The following MICU2 variants were observed in gnomAD, a reference collection of about 807,000 sequenced individuals.
MICU2 encodes calcium uptake protein 2, mitochondrial.
MICU2 carries 64 observed loss-of-function variants against 60.4 expected under a neutral mutation model. That is an observed-to-expected ratio of 1.06 (90% CI 0.87 to 1.31). MICU2 has a LOEUF of 1.31. Ranked by LOEUF, MICU2 falls within the 50% of genes most tolerant of loss-of-function variation. MICU2 has a pLI of 0.00. For missense variants in MICU2, 569 were observed against 531.0 expected (o/e 1.07, Z -0.70); for synonymous variants, 201 against 175.0 (o/e 1.15, Z -1.17).
rs902822208 is a variant in MICU2, at chr13:21,524,936, A to C, written c.467-2286T>G. Among the ~76,000 whole-genome samples the C allele has an allele frequency of 2.6e-5, 4 of 152,184 alleles. No homozygotes were observed. The East Asian group carries it at 7.7e-4, about 29-fold the overall frequency. ...TGTTTTAAAGGTTCATTCATACTGC[A>C]GCATATGTCAGCATATCCTTCCTTT... On this transcript the variant is annotated intron_variant, in intron 4 of 11. Transcript: ENST00000382374.
intron 1 of MICU2, among the ~76,000 whole-genome samples, chr13:21,594,226 T>C (rs990299699): frequency 2.6e-5 from 4 of 152,064 alleles, no homozygotes; most frequent in African/African-American, 7.2e-5. Flanking sequence ...GCAAAGGATA[T>C]GAACAGACAT....
intron 1 of MICU2, among the ~76,000 whole-genome samples, chr13:21,579,128 C>T (rs1888289223): frequency 6.6e-6 from 1 of 152,106 alleles, no homozygotes; most frequent in Admixed American, 6.5e-5. Context: ...AATGTACTTA[C>T]AGGAAATGAG....
At chr13:21,544,901 C>A (rs1367462804) in intron 2 of MICU2, among the ~76,000 whole-genome samples, 1 of 152,172 alleles carries the variant, frequency 6.6e-6, no homozygotes, top group Non-Finnish European at 1.5e-5. Flanking sequence ...ATCCTCCCAC[C>A]TCAGCCTCCC....
chr13:21,496,269 G>GTCTTTACTT, intron 9 of MICU2, 109 bp from the exon 10 acceptor site: 1 of 789,480 alleles, frequency 1.3e-6, no homozygotes. Context: ...CATTCTAAGA[G>GTCTTTACTT]GAAGAGACAA....
chr13:21,495,012 T>A lies in MICU2; in HGVS notation c.1200+149A>T, dbSNP rs149729990. The A allele has an allele frequency of 7.4e-3, 3,912 of 530,090 alleles. 19 individuals carry two copies. The highest frequency in any genetic ancestry group is 0.013 in the Middle Eastern group (25 of 1,924). The allele number at this position is 530,090 out of a possible 1,614,324, so 32.8% of individuals were successfully genotyped here. ...AAGCAAAGATGTTTAATCTCATATA[T>A]AAAATATATTTCTGTATTTCAATTA... On this transcript the variant is annotated intron_variant, in intron 11 of 11. Transcript: ENST00000382374.
At chr13:21,495,082 C>A in intron 11 of MICU2, 79 bp downstream of exon 11, 1 of 1,101,664 alleles carries the variant, frequency 9.1e-7, no homozygotes. Flanking sequence ...CATTTAAAGA[C>A]TGTACAATTG....
chr13:21,530,539 C>A (rs757869527), intron 4 of MICU2, among the ~76,000 whole-genome samples: 3 of 151,898 alleles, frequency 2.0e-5, no homozygotes, highest in Non-Finnish European at 4.4e-5. Flanking sequence ...AGTCCTCCAT[C>A]TATGTAAATA....
intron 1 of MICU2, among the ~76,000 whole-genome samples, chr13:21,585,109 C>T (rs1475913415): frequency 2.0e-5 from 3 of 152,190 alleles, no homozygotes; most frequent in Non-Finnish European, 2.9e-5. Flanking sequence ...AAGACAACCT[C>T]TCATTCATGC....
At chr13:21,508,128 C>CTT (rs796385356) in intron 8 of MICU2, among the ~76,000 whole-genome samples, 28 of 136,902 alleles carry the variant, frequency 2.0e-4, no homozygotes, top group African/African-American at 6.7e-4. Flanking sequence ...GCTCTTCTTT[C>CTT]TTTTTTTTTT....
At chr13:21,589,894 A>T (rs567314143) in intron 1 of MICU2, among the ~76,000 whole-genome samples, 1 of 151,758 alleles carries the variant, frequency 6.6e-6, no homozygotes, top group East Asian at 2.0e-4. Flanking sequence ...AGGGATAAGA[A>T]CCTCTTTCCC....
In MICU2 at chr13:21,539,541, G is replaced by A. The variant is rs529635777; in HGVS notation, c.390+116C>T. 136 of 1,387,386 alleles carry A rather than the reference G, an allele frequency of 9.8e-5. No individual in the cohort carries two copies. In the African/African-American group the frequency reaches 1.4e-3, roughly 15 times the overall value. The allele number at this position is 1,387,386 out of a possible 1,614,324, so 85.9% of individuals were successfully genotyped here. On this transcript the variant is annotated intron_variant, in intron 3 of 11. Coordinates refer to ENST00000382374, the MANE Select transcript of MICU2 (RefSeq NM_152726.3). ...TGGTGATCTCCTGACCTCGTGATCC[G>A]CCCACCTTGGCCTCCCAAAGTGCTG...
chr13:21,533,566 G>A (rs893985598), intron 4 of MICU2, among the ~76,000 whole-genome samples: 4 of 151,254 alleles, frequency 2.6e-5, no homozygotes, highest in East Asian at 1.9e-4. Flanking sequence ...CTCGTGATCC[G>A]CCCGCCTCAG....
At chr13:21,556,010 C>A (rs1016875915) in intron 2 of MICU2, among the ~76,000 whole-genome samples, 3 of 152,158 alleles carry the variant, frequency 2.0e-5, no homozygotes, top group African/African-American at 7.2e-5. Flanking sequence ...GTCTCACCTA[C>A]CAACACATAT....
intron 4 of MICU2, among the ~76,000 whole-genome samples, chr13:21,525,219 G>A (rs952888978): frequency 8.8e-6 from 1 of 113,570 alleles, no homozygotes; most frequent in Non-Finnish European, 1.7e-5. Context: ...TTGAGATGGA[G>A]TCTTGCTCTG....
At chr13:21,562,086 C>T (rs1436646870) in intron 2 of MICU2, among the ~76,000 whole-genome samples, 1 of 150,980 alleles carries the variant, frequency 6.6e-6, no homozygotes, top group African/African-American at 2.4e-5. Context: ...GTATATGTGC[C>T]ACATTTTCTT....
chr13:21,522,782 ATTTTT>A (rs1221371617), intron 4 of MICU2, 132 bp from the exon 5 acceptor site: 5 of 566,494 alleles, frequency 8.8e-6, no homozygotes, highest in Non-Finnish European at 1.4e-5. Context: ...ACAGTGGAAA[ATTTTT>A]ATAATAGTTG....
intron 2 of MICU2, among the ~76,000 whole-genome samples, chr13:21,548,342 T>C (rs543649797): frequency 7.9e-5 from 12 of 152,338 alleles, no homozygotes; most frequent in Admixed American, 3.3e-4. Flanking sequence ...AATATGAACA[T>C]AGGTTTTATT....
At chr13:21,599,030 A>G (rs926542059) in intron 1 of MICU2, among the ~76,000 whole-genome samples, 7 of 152,098 alleles carry the variant, frequency 4.6e-5, no homozygotes, top group African/African-American at 1.4e-4. Context: ...TTCTGATAGG[A>G]GCGCAAAACC....
intron 8 of MICU2, among the ~76,000 whole-genome samples, chr13:21,504,874 A>C (rs1047892247): frequency 2.0e-5 from 3 of 152,198 alleles, no homozygotes; most frequent in Non-Finnish European, 2.9e-5. Flanking sequence ...CTACAAATCA[A>C]GGCTGTTTTT....
Sources: gnomAD v4.1 joint callset for allele counts (sites outside exome capture counted in the v4.1 genomes callset) on GRCh38, gnomAD v4.1.1 for gene constraint, MANE v1.5 for transcripts, NCBI Gene and HGNC (gene_info 2026-07-23, HGNC 2026-07-21) for gene names.